The following WWTR1 variants were observed in gnomAD, a reference collection of about 807,000 sequenced individuals.
The protein encoded by WWTR1 is WW domain containing transcription regulator 1.
WWTR1 carries 13 observed loss-of-function variants against 40.1 expected under a neutral mutation model. That is an observed-to-expected ratio of 0.32 (90% CI 0.21 to 0.52). The LOEUF is 0.52. Ranked by LOEUF, WWTR1 falls within the 20% of genes least tolerant of loss-of-function variation. The pLI, the probability that WWTR1 is intolerant of heterozygous loss-of-function variation, is 0.97. For synonymous variants in WWTR1, 230 were observed against 210.1 expected, an observed-to-expected ratio of 1.09 and a Z score of -0.82; for missense variants, 436 against 523.1, an observed-to-expected ratio of 0.83 and a Z score of 1.63.
At chr3:149,670,705 C>A (rs1219834792) in intron 1 of WWTR1, 1 of 151,562 alleles carries the variant, frequency 6.6e-6, no homozygotes, top group East Asian at 1.9e-4. Context: ...GTGACTTGTC[C>A]AGGGCCTGAT....
intron 2 of WWTR1, among the ~76,000 whole-genome samples, chr3:149,591,829 C>G (rs1738737763): frequency 6.6e-6 from 1 of 152,034 alleles, no homozygotes; most frequent in South Asian, 2.1e-4. Context: ...TATATTAATA[C>G]AAAAGTGCGG....
At chr3:149,663,830 C>A (rs754582723) in intron 2 of WWTR1, among the ~76,000 whole-genome samples, 18 of 152,194 alleles carry the variant, frequency 1.2e-4, no homozygotes, top group Non-Finnish European at 2.4e-4. Flanking sequence ...TAGATAATTT[C>A]TCACCATTCA....
chr3:149,560,883 T>C (rs1280305488), intron 3 of WWTR1, among the ~76,000 whole-genome samples: 1 of 151,918 alleles, frequency 6.6e-6, no homozygotes, highest in East Asian at 1.9e-4. Context: ...ACAGAGTTAG[T>C]GGGAAAGCTA....
chr3:149,659,887 A>G (rs1327212041), upstream of WWTR1: 1 of 149,942 alleles, frequency 6.7e-6, no homozygotes, highest in African/African-American at 2.5e-5. Context: ...AATTAGGGCC[A>G]TCTTAGACTA....
chr3:149,596,209 T>TA (rs1738997239), intron 2 of WWTR1, among the ~76,000 whole-genome samples: 1 of 152,246 alleles, frequency 6.6e-6, no homozygotes, highest in African/African-American at 2.4e-5. Context: ...GTAAGTGTTC[T>TA]AAGAGAAGTA....
intron 3 of WWTR1, 124 bp downstream of exon 3, chr3:149,572,740 G>T: frequency 8.6e-7 from 1 of 1,169,578 alleles, no homozygotes; most frequent in Non-Finnish European, 1.2e-6. Context: ...GCAGCACTTT[G>T]GGAGACTGAG....
At chr3:149,668,498 C>T (rs1713928563) in intron 2 of WWTR1, among the ~76,000 whole-genome samples, 1 of 151,648 alleles carries the variant, frequency 6.6e-6, no homozygotes, top group African/African-American at 2.4e-5. Flanking sequence ...ATCCCAGCTG[C>T]TTAGGAGGTT....
intron 3 of WWTR1, among the ~76,000 whole-genome samples, chr3:149,563,543 C>T (rs981741874): frequency 3.3e-5 from 5 of 152,154 alleles, no homozygotes; most frequent in African/African-American, 4.8e-5. Context: ...TGCTCATGTG[C>T]GCACTAACAC....
intron 1 of WWTR1, chr3:149,670,963 C>T (rs1178942506): frequency 6.6e-6 from 1 of 152,024 alleles, no homozygotes; most frequent in Non-Finnish European, 1.5e-5. Context: ...ATGAGGAGGC[C>T]GTGCAAGAGA....
At chr3:149,637,243 T>G (rs1220799235) in intron 2 of WWTR1, among the ~76,000 whole-genome samples, 1 of 142,114 alleles carries the variant, frequency 7.0e-6, no homozygotes, top group Non-Finnish European at 1.5e-5. Context: ...TTTTTTTTTT[T>G]GAGACAGAGT....
At chr3:149,684,438 T>A (rs1714564603) in intron 1 of WWTR1, among the ~76,000 whole-genome samples, 1 of 152,234 alleles carries the variant, frequency 6.6e-6, no homozygotes, top group African/African-American at 2.4e-5. Flanking sequence ...AAAATTGAAC[T>A]ATTCATTACT....
chr3:149,567,779 T>G (rs767879166), intron 3 of WWTR1, among the ~76,000 whole-genome samples: 1 of 152,154 alleles, frequency 6.6e-6, no homozygotes, highest in African/African-American at 2.4e-5. Context: ...ATTTTACAGA[T>G]AAGGAAAATG....
chr3:149,640,309 G>A (rs1479750885), intron 2 of WWTR1, among the ~76,000 whole-genome samples: 1 of 152,194 alleles, frequency 6.6e-6, no homozygotes, highest in East Asian at 1.9e-4. Flanking sequence ...ATCAGATCCA[G>A]ACAGTTGCAT....
intron 2 of WWTR1, among the ~76,000 whole-genome samples, chr3:149,663,658 T>C (rs1003728895): frequency 6.6e-6 from 1 of 152,134 alleles, no homozygotes; most frequent in Non-Finnish European, 1.5e-5. Context: ...ATCATGCCAT[T>C]GCACTCCAGC....
chr3:149,696,219 C>T lies in WWTR1; in HGVS notation c.-108+6905G>A, dbSNP rs1047604204. On this transcript the variant is annotated intron_variant, in intron 1 of 7. Coordinates refer to the WWTR1 transcript ENST00000465804. ...GCTTTGGACTCAAACAAATGCAGGCCGAATTTATCACCTTCCTCCAAATCT... is the reference window on the plus strand; with the variant it reads ...GCTTTGGACTCAAACAAATGCAGGCTGAATTTATCACCTTCCTCCAAATCT... Among the ~76,000 whole-genome samples, 17 of 151,788 alleles carry T rather than the reference C, an allele frequency of 1.1e-4. No individual in the cohort carries two copies. The South Asian group carries it at 2.1e-3, about 19-fold the overall frequency.
intron 3 of WWTR1, among the ~76,000 whole-genome samples, chr3:149,571,214 C>CTT (rs10535515): frequency 4.1e-4 from 42 of 101,222 alleles, no homozygotes; most frequent in African/African-American, 1.2e-3. Flanking sequence ...TTTTTCTTTT[C>CTT]TTTTTTTTTT....
chr3:149,537,065 AT>A (rs1735873353), intron 4 of WWTR1, among the ~76,000 whole-genome samples: 1 of 152,224 alleles, frequency 6.6e-6, no homozygotes, highest in African/African-American at 2.4e-5. Flanking sequence ...CTGTTTCTCA[AT>A]GTCTGACCTG....
intron 2 of WWTR1, among the ~76,000 whole-genome samples, chr3:149,607,846 T>C (rs930520941): frequency 6.6e-6 from 1 of 152,148 alleles, no homozygotes; most frequent in African/African-American, 2.4e-5. Flanking sequence ...TACTCAGAGA[T>C]TTCCCAAGAG....
chr3:149,588,372 T>C (rs1738528756), intron 2 of WWTR1, among the ~76,000 whole-genome samples: 2 of 152,196 alleles, frequency 1.3e-5, no homozygotes, highest in South Asian at 4.1e-4. Context: ...GTTAGAGAAA[T>C]AAATGATCTC....
Sources: allele counts gnomAD v4.1 joint callset (sites outside exome capture counted in the v4.1 genomes callset), GRCh38; gene constraint gnomAD v4.1.1; transcripts MANE v1.5; gene names NCBI Gene and HGNC (gene_info 2026-07-23, HGNC 2026-07-21).